Variants in SMYD3 observed in about 807,000 individuals in gnomAD.
SMYD3 encodes SET and MYND domain containing 3.
In SMYD3, 36 loss-of-function variants were observed where a neutral mutation model predicts 57.7. The observed-to-expected ratio is 0.62, with a 90% CI of 0.48 to 0.82. The LOEUF (loss-of-function observed/expected upper bound fraction) is 0.82. Among genes scored for constraint, SMYD3 ranks in the 40% least tolerant of loss-of-function variants. The pLI, the probability that SMYD3 is intolerant of heterozygous loss-of-function variation, is 0.00. For synonymous variants in SMYD3, 211 were observed against 195.0 expected, an observed-to-expected ratio of 1.08 and a Z score of -0.68; for missense variants, 515 against 538.8, an observed-to-expected ratio of 0.96 and a Z score of 0.44.
intron 1 of SMYD3, among the ~76,000 whole-genome samples, chr1:246,481,082 T>C (rs2068093217): frequency 6.6e-6 from 1 of 152,180 alleles, no homozygotes. Flanking sequence ...TTACAGCCAC[T>C]GTGCCCATCC....
At chr1:245,842,448 TTC>T (rs975255252) in intron 10 of SMYD3, among the ~76,000 whole-genome samples, 1 of 143,630 alleles carries the variant, frequency 7.0e-6, no homozygotes, top group African/African-American at 2.6e-5. Context: ...CTCTTTTCAT[TTC>T]AAGTCAATGG....
chr1:245,793,275 C>G (rs538952646), intron 10 of SMYD3, among the ~76,000 whole-genome samples: 25 of 151,908 alleles, frequency 1.6e-4, no homozygotes, highest in African/African-American at 2.4e-4. Flanking sequence ...TGCCACTGCA[C>G]TCCAGCTTGG....
At chr1:245,984,198 T>C (rs2058657817) in intron 5 of SMYD3, among the ~76,000 whole-genome samples, 1 of 152,030 alleles carries the variant, frequency 6.6e-6, no homozygotes, top group Non-Finnish European at 1.5e-5. Flanking sequence ...GGTTTCACCA[T>C]GTCACCCAGG....
intron 1 of SMYD3, among the ~76,000 whole-genome samples, chr1:246,380,672 T>C (rs779343629): frequency 2.6e-5 from 4 of 152,240 alleles, no homozygotes; most frequent in Admixed American, 2.0e-4. Context: ...TCAAGGACTG[T>C]TGATGCTACG....
intron 8 of SMYD3, among the ~76,000 whole-genome samples, chr1:245,880,398 T>C (rs1445229173): frequency 6.6e-6 from 1 of 152,218 alleles, no homozygotes; most frequent in Non-Finnish European, 1.5e-5. Flanking sequence ...CAACTATATC[T>C]TAGGATTAAC....
At chr1:246,310,599 C>T (rs1158186196) in intron 5 of SMYD3, among the ~76,000 whole-genome samples, 4 of 148,972 alleles carry the variant, frequency 2.7e-5, no homozygotes, top group South Asian at 2.1e-4. Flanking sequence ...AGAAACTGTA[C>T]GAGCAAAGCT....
chr1:246,472,574 C>T (rs1282235565), intron 1 of SMYD3, among the ~76,000 whole-genome samples: 1 of 151,966 alleles, frequency 6.6e-6, no homozygotes, highest in Non-Finnish European at 1.5e-5. Context: ...GAGACCCTGT[C>T]CCTACAAAAA....
intron 5 of SMYD3, among the ~76,000 whole-genome samples, chr1:246,310,138 G>T (rs1207893393): frequency 4.0e-5 from 6 of 151,436 alleles, no homozygotes; most frequent in African/African-American, 1.5e-4. Context: ...TTATCATTTT[G>T]CTATAAAGAT....
At chr1:246,004,449 T>C (rs939981417) in intron 5 of SMYD3, among the ~76,000 whole-genome samples, 2 of 152,114 alleles carry the variant, frequency 1.3e-5, no homozygotes, top group African/African-American at 2.4e-5. Context: ...ACTACAATCC[T>C]GTGGGTTAAA....
At chr1:246,406,698 C>T (rs111981143) in intron 1 of SMYD3, among the ~76,000 whole-genome samples, 7 of 152,128 alleles carry the variant, frequency 4.6e-5, no homozygotes, top group South Asian at 2.1e-4. Context: ...AGTGAAAAAA[C>T]GGAGACACTT....
chr1:245,752,828 A>G lies in SMYD3; in HGVS notation c.1186-3164T>C, dbSNP rs1392813477. On this transcript the variant is annotated intron_variant, in intron 11 of 11. Transcript: ENST00000490107. Reference sequence around the variant, plus strand: ...AAGACCAGAAGGATCATCTAGTCCAATACCCTCATGTTATGGAAGGAAGTG... The same window carrying G: ...AAGACCAGAAGGATCATCTAGTCCAGTACCCTCATGTTATGGAAGGAAGTG... Among the ~76,000 whole-genome samples, 4 of 152,172 alleles carry G rather than the reference A, an allele frequency of 2.6e-5. No individual in the cohort carries two copies. The East Asian group carries it at 5.8e-4, about 22-fold the overall frequency.
At chr1:246,160,987 T>G (rs998954951) in intron 5 of SMYD3, among the ~76,000 whole-genome samples, 1 of 152,116 alleles carries the variant, frequency 6.6e-6, no homozygotes, top group Non-Finnish European at 1.5e-5. Context: ...CCCTGAACAT[T>G]ACCAACATGC....
chr1:246,394,349 T>TAACGAAAGG (rs1293568694), intron 1 of SMYD3, among the ~76,000 whole-genome samples: 1 of 152,172 alleles, frequency 6.6e-6, no homozygotes, highest in East Asian at 1.9e-4. Flanking sequence ...CTCCTTGCCA[T>TAACGAAAGG]AACGAAAGGA....
chr1:246,121,305 T>G (rs2061421144), intron 5 of SMYD3, among the ~76,000 whole-genome samples: 1 of 152,178 alleles, frequency 6.6e-6, no homozygotes, highest in African/African-American at 2.4e-5. Flanking sequence ...TCTTGCAGAC[T>G]GAGTCAGATC....
intron 5 of SMYD3, among the ~76,000 whole-genome samples, chr1:245,970,121 C>T (rs952341316): frequency 3.3e-5 from 5 of 152,116 alleles, no homozygotes; most frequent in East Asian, 3.9e-4. Flanking sequence ...GACGTATAGA[C>T]GAATGGAACA....
chr1:246,346,535 C>T (rs10924699), intron 2 of SMYD3, among the ~76,000 whole-genome samples: 36,865 of 151,958 alleles, frequency 0.24, 4,905 homozygotes, highest in East Asian at 0.51. Flanking sequence ...AACTTATAAT[C>T]GTAGTGGAAG....
At position 246,103,668 on chromosome 1, in the gene SMYD3, C is replaced by T. The variant is rs145054282; in HGVS notation, c.532-173731G>A. ...TCCCTTTCATAACCCACTCTTTATG[C>T]GCCTGGGCTCTAACCAAAACTGATC... On this transcript the variant is annotated intron_variant, in intron 5 of 11. Transcript: ENST00000490107. Among the ~76,000 whole-genome samples, 277 of 152,256 alleles carry T rather than the reference C, an allele frequency of 1.8e-3. 1 individual carries two copies. The highest frequency in any genetic ancestry group is 6.1e-3 in the African/African-American group (254 of 41,548).
intron 5 of SMYD3, among the ~76,000 whole-genome samples, chr1:246,310,740 G>A (rs986115761): frequency 2.1e-5 from 3 of 144,308 alleles, no homozygotes; most frequent in African/African-American, 7.7e-5. Context: ...CGCGATCTTG[G>A]CTCACTGCAA....
chr1:246,134,662 C>T (rs2061639715), intron 5 of SMYD3, among the ~76,000 whole-genome samples: 1 of 151,922 alleles, frequency 6.6e-6, no homozygotes, highest in Non-Finnish European at 1.5e-5. Flanking sequence ...AAATGTCCAT[C>T]ATATTATTTA....
Sources: gnomAD v4.1 joint callset for allele counts (sites outside exome capture counted in the v4.1 genomes callset) on GRCh38, gnomAD v4.1.1 for gene constraint, MANE v1.5 for transcripts, NCBI Gene and HGNC (gene_info 2026-07-23, HGNC 2026-07-21) for gene names.